The following EXD1 variants were observed in gnomAD, a reference collection of about 807,000 sequenced individuals.
EXD1 encodes piRNA biogenesis protein EXD1.
A neutral mutation model predicts 49.1 loss-of-function variants in EXD1; 63 were observed. The ratio of observed to expected loss-of-function variants is 1.28; its 90% CI spans 1.05 to 1.58. The LOEUF (loss-of-function observed/expected upper bound fraction) is 1.58, where lower values mean the gene tolerates loss of function less well. Ranked by LOEUF, EXD1 falls within the 40% of genes most tolerant of loss-of-function variation. EXD1 has a pLI of 0.00. For missense variants in EXD1, 748 were observed against 666.0 expected, an observed-to-expected ratio of 1.12 and a Z score of -1.36; for synonymous variants, 234 against 239.2, an observed-to-expected ratio of 0.98 and a Z score of 0.20.
chr15:41,227,301 C>T (rs1199082982), intron 1 of EXD1, among the ~76,000 whole-genome samples: 1 of 152,188 alleles, frequency 6.6e-6, no homozygotes, highest in South Asian at 2.1e-4. Flanking sequence ...TGTCTAGGTA[C>T]TTGAAATGTT....
chr15:41,184,680 A>C (rs2046380102), intron 11 of EXD1, 87 bp from the exon 12 acceptor site: 2 of 963,830 alleles, frequency 2.1e-6, no homozygotes, highest in African/African-American at 3.5e-5. Flanking sequence ...TTTGAGATGG[A>C]GTCTCGCTCT....
chr15:41,190,076 A>G lies in EXD1; in HGVS notation c.917T>C (p.Ile306Thr), dbSNP rs1329350909. Reference protein sequence around the residue: ...IRPVSPSLLKILALEATYLLP... With the variant: ...IRPVSPSLLKTLALEATYLLP... ...CAGGTAGGTAGCTTCCAGGGCCAAA[A>G]TTTTCAGTAAAGAGGGTGAAACAGG... is the stretch of plus-strand genomic sequence containing the variant. Residue 306 changes from isoleucine (I) to threonine (T), a missense_variant, in exon 11 of 12, where the codon ATT becomes ACT. Transcript: ENST00000458580. The G allele has an allele frequency of 6.2e-7, 1 of 1,614,020 alleles. No homozygotes were observed. The highest frequency in any genetic ancestry group is 1.3e-5 in the African/African-American group (1 of 74,910).
At chr15:41,199,924 G>A (rs2046702142) in intron 7 of EXD1, among the ~76,000 whole-genome samples, 1 of 145,516 alleles carries the variant, frequency 6.9e-6, no homozygotes, top group Non-Finnish European at 1.5e-5. Flanking sequence ...ATTTTTTTGA[G>A]ACAGAGTCTG....
At chr15:41,220,032 T>C (rs760783901) in intron 2 of EXD1, 134 bp from the exon 3 acceptor site, 8 of 647,632 alleles carry the variant, frequency 1.2e-5, no homozygotes, top group Non-Finnish European at 2.1e-5. Flanking sequence ...TATCCAAATC[T>C]TCCCCCAAGG....
chr15:41,183,104 A>C lies in EXD1; in HGVS notation c.*827T>G, dbSNP rs771221872. 4 of 152,306 alleles carry C rather than the reference A, an allele frequency of 2.6e-5. No individual in the cohort carries two copies. Among genetic ancestry groups the C allele is most frequent in the Non-Finnish European group, 4.4e-5 (3 of 68,094 alleles). The allele number at this position is 152,306 out of a possible 1,614,324, so 9.4% of individuals were successfully genotyped here. A position where few individuals can be genotyped will look rare whatever the true frequency, so the allele number is the denominator to read the frequency against. The stretch of plus-strand genomic sequence containing the variant: ...CAGGAGTTCGAGACCAGCCTGGCCA[A>C]CATGGTGAAACCCCATCTCTACTAA... On this transcript the variant is annotated 3_prime_UTR_variant, in exon 12 of 12. Transcript: ENST00000458580.
At chr15:41,199,178 T>G (rs1268883525) in intron 7 of EXD1, among the ~76,000 whole-genome samples, 2 of 151,994 alleles carry the variant, frequency 1.3e-5, no homozygotes, top group Non-Finnish European at 2.9e-5. Context: ...AGGCTGGTCG[T>G]GAACTCCTGA....
At position 41,195,937 on chromosome 15, in the gene EXD1, A is replaced by T. The variant is rs757597579; in HGVS notation, c.635T>A (p.Leu212Ter). Residue 212 changes from leucine to a stop codon, truncating the protein, a stop_gained, in exon 8 of 12, where the codon TTG (leucine) becomes TAG (stop). Coordinates refer to ENST00000458580, the MANE Select transcript of EXD1 (RefSeq NM_001286441.2). LOFTEE classifies it high-confidence loss of function. The part of the protein sequence containing the change: ...LQMILEDKRI[L>*]KVIHDCRWLS... The stretch of plus-strand genomic sequence containing the variant: ...GGAATCAGTTTATATACTTACCTTC[A>T]AAATTCTCTTGTCTTCTAGTATCAT... The T allele has an allele frequency of 6.2e-7, 1 of 1,610,060 alleles. No homozygotes were observed. Among genetic ancestry groups the T allele is most frequent in the South Asian group, 1.1e-5 (1 of 90,642 alleles).
chr15:41,192,787 A>C (rs1453313147), intron 9 of EXD1, among the ~76,000 whole-genome samples: 3 of 126,410 alleles, frequency 2.4e-5, no homozygotes, highest in Non-Finnish European at 4.8e-5. Flanking sequence ...TAGTATTCTT[A>C]AGATTTTTTT....
intron 5 of EXD1, among the ~76,000 whole-genome samples, chr15:41,216,265 A>G (rs1206481729): frequency 6.6e-6 from 1 of 151,824 alleles, no homozygotes; most frequent in Non-Finnish European, 1.5e-5. Context: ...ATCAACTCTA[A>G]ACAGTAAAGA....
Position 41,230,456 on chromosome 15 carries a change from G to A in EXD1, c.-54+23C>T, listed in dbSNP as rs756457947. ...ATTTCTCATTTTTAAGACAAAATAA[G>A]GAACTTCAAATAAATGGCGGACCAT... On this transcript the variant is annotated intron_variant, in intron 1 of 11. Coordinates refer to ENST00000458580, the MANE Select transcript of EXD1 (RefSeq NM_001286441.2). The A allele has an allele frequency of 2.5e-6, 4 of 1,605,752 alleles. No homozygotes were observed. In the East Asian group the frequency reaches 8.9e-5, roughly 36 times the overall value.
intron 2 of EXD1, among the ~76,000 whole-genome samples, chr15:41,223,264 T>A (rs1321571717): frequency 6.6e-6 from 1 of 150,452 alleles, no homozygotes. Context: ...ACAAAATATT[T>A]AAAAAATTAG....
At chr15:41,186,150 G>A (rs992559223) in intron 11 of EXD1, among the ~76,000 whole-genome samples, 11 of 152,028 alleles carry the variant, frequency 7.2e-5, no homozygotes, top group South Asian at 4.2e-4. Context: ...ATATCCATGG[G>A]TTCTGCATCC....
At chr15:41,210,483 A>G (rs2046905363) in intron 6 of EXD1, among the ~76,000 whole-genome samples, 1 of 152,170 alleles carries the variant, frequency 6.6e-6, no homozygotes, top group Admixed American at 6.5e-5. Flanking sequence ...TTTGAGCCCA[A>G]GGGTTTCAGA....
rs747463139 is a variant in EXD1 at position 41,217,079 on chromosome 15, A to G, written c.260+18T>C. ...ACATTTGGAAAATATCATAATTAAG[A>G]AAATTATTCCTTCTTACCTAACAGA... is the stretch of plus-strand genomic sequence containing the variant. On this transcript the variant is annotated intron_variant, in intron 4 of 11. Transcript: ENST00000458580. The G allele has an allele frequency of 3.1e-6, 5 of 1,605,016 alleles. No homozygotes were observed. In the South Asian group the frequency reaches 5.5e-5, roughly 18 times the overall value.
rs78808018 is a variant in EXD1, at chr15:41,214,276, G to A, written c.447+1499C>T. Among the ~76,000 whole-genome samples the A allele has an allele frequency of 1.7e-4, 26 of 152,066 alleles. 1 individual carries two copies. Among genetic ancestry groups the A allele is most frequent in the Admixed American group, 1.2e-3 (19 of 15,270 alleles). On this transcript the variant is annotated intron_variant, in intron 6 of 11. Coordinates refer to ENST00000458580, the MANE Select transcript of EXD1 (RefSeq NM_001286441.2). ...CTGTAATCCCAGCACTTTGGGAGGCGGAGATAGGCAGATCACCTGAGGTCA... is the reference window on the plus strand; with the variant it reads ...CTGTAATCCCAGCACTTTGGGAGGCAGAGATAGGCAGATCACCTGAGGTCA...
intron 9 of EXD1, among the ~76,000 whole-genome samples, chr15:41,193,121 T>C (rs1330369607): frequency 6.6e-6 from 1 of 152,024 alleles, no homozygotes; most frequent in African/African-American, 2.4e-5. Flanking sequence ...TCTCACTACG[T>C]TGTTCGGGCT....
intron 7 of EXD1, among the ~76,000 whole-genome samples, chr15:41,209,269 G>A (rs868295903): frequency 1.3e-5 from 2 of 152,012 alleles, no homozygotes; most frequent in South Asian, 2.1e-4. Flanking sequence ...AAAAAACAAA[G>A]CTGGGTGTGG....
chr15:41,193,745 CAA>C (rs34072752), intron 9 of EXD1, among the ~76,000 whole-genome samples: 1 of 140,118 alleles, frequency 7.1e-6, no homozygotes. Context: ...GACCTTGTCT[CAA>C]AAAAAAAAAA....
At chr15:41,202,155 T>C (rs373917649) in intron 7 of EXD1, among the ~76,000 whole-genome samples, 17,819 of 147,056 alleles carry the variant, frequency 0.12, 1,207 homozygotes, top group South Asian at 0.25. Context: ...TCATTATATA[T>C]ATATATATAT....
Sources: allele counts gnomAD v4.1 joint callset (sites outside exome capture counted in the v4.1 genomes callset), GRCh38; gene constraint gnomAD v4.1.1; transcripts MANE v1.5; gene names NCBI Gene and HGNC (gene_info 2026-07-23, HGNC 2026-07-21).